The following RBFOX1 variants were observed in gnomAD, a reference collection of about 807,000 sequenced individuals.
The protein encoded by RBFOX1 is RNA binding protein fox-1 homolog 1.
Under a neutral mutation model 57.7 loss-of-function variants are expected in RBFOX1, and 8 were observed. The observed-to-expected ratio is 0.14, with a 90% CI of 0.08 to 0.25. The LOEUF is 0.25. RBFOX1 is among the 10% of genes least tolerant of loss of function. RBFOX1 has a pLI of 1.00. For missense variants in RBFOX1, 611 were observed against 548.5 expected (o/e 1.11, Z -1.14); for synonymous variants, 326 against 222.4 (o/e 1.47, Z -4.15).
chr16:5,350,862 T>A (rs1366812757), intron 1 of RBFOX1, among the ~76,000 whole-genome samples: 1 of 132,982 alleles, frequency 7.5e-6, no homozygotes, highest in Admixed American at 8.3e-5. Flanking sequence ...TGAAACTCCA[T>A]CTCAAGAAAA....
At chr16:6,629,003 C>T (rs1027501316) in intron 2 of RBFOX1, among the ~76,000 whole-genome samples, 2 of 152,122 alleles carry the variant, frequency 1.3e-5, no homozygotes, top group Non-Finnish European at 1.5e-5. Flanking sequence ...GCACTGCAGC[C>T]TGGGTGACAG....
chr16:7,122,702 G>A (rs1356224560), intron 4 of RBFOX1, among the ~76,000 whole-genome samples: 2 of 152,082 alleles, frequency 1.3e-5, no homozygotes, highest in Non-Finnish European at 2.9e-5. Flanking sequence ...ATAGAGCCTA[G>A]CAATCCTACT....
chr16:7,021,642 T>G lies in RBFOX1; in HGVS notation c.-15-30415T>G, dbSNP rs1012691802. Among the ~76,000 whole-genome samples the G allele has an allele frequency of 6.1e-5, 9 of 147,786 alleles. No homozygotes were observed. The South Asian group carries it at 1.5e-3, about 24-fold the overall frequency. ...ATATTTTATAAATTATATAAAAATT[T>G]TATTAAAATTTTTATTTCCCTCAGC... is the stretch of plus-strand genomic sequence containing the variant. On this transcript the variant is annotated intron_variant, in intron 3 of 15. Transcript: ENST00000550418.
chr16:6,016,590 C>T (rs2094995217), upstream of RBFOX1, among the ~76,000 whole-genome samples: 1 of 152,180 alleles, frequency 6.6e-6, no homozygotes, highest in South Asian at 2.1e-4. Flanking sequence ...CACAAGGCTA[C>T]AAAGTCCTTG....
chr16:7,678,921 A>C (rs2074062641), intron 14 of RBFOX1, among the ~76,000 whole-genome samples: 1 of 152,182 alleles, frequency 6.6e-6, no homozygotes, highest in African/African-American at 2.4e-5. Flanking sequence ...CCATAGTTTC[A>C]GTTGAAGAAA....
intron 3 of RBFOX1, among the ~76,000 whole-genome samples, chr16:6,834,488 C>A (rs546809571): frequency 6.8e-6 from 1 of 146,784 alleles, no homozygotes; most frequent in Non-Finnish European, 1.5e-5. Context: ...AGAAAGTACT[C>A]AGTAACTGTT....
At chr16:5,726,968 C>T (rs542399024) in intron 3 of RBFOX1, among the ~76,000 whole-genome samples, 2 of 152,174 alleles carry the variant, frequency 1.3e-5, no homozygotes, top group South Asian at 2.1e-4. Context: ...ATTCAAACCT[C>T]GATGTGAAGG....
chr16:5,456,124 C>T (rs916107928), intron 1 of RBFOX1, among the ~76,000 whole-genome samples: 12 of 151,250 alleles, frequency 7.9e-5, no homozygotes, highest in South Asian at 2.1e-4. Flanking sequence ...AAAAAAAAAA[C>T]GTGCTTAACA....
chr16:7,072,636 A>G (rs2057556515), intron 4 of RBFOX1, among the ~76,000 whole-genome samples: 1 of 152,200 alleles, frequency 6.6e-6, no homozygotes, highest in Admixed American at 6.5e-5. Context: ...CTAGGAAGAG[A>G]TTTCAGAATA....
intron 2 of RBFOX1, among the ~76,000 whole-genome samples, chr16:5,471,405 C>G (rs2069129667): frequency 6.6e-6 from 1 of 152,134 alleles, no homozygotes; most frequent in Non-Finnish European, 1.5e-5. Flanking sequence ...AGGTAGGAAT[C>G]TGTTGAGTGG....
chr16:7,345,170 C>G (rs1387966939), intron 4 of RBFOX1, among the ~76,000 whole-genome samples: 2 of 152,154 alleles, frequency 1.3e-5, no homozygotes. Context: ...GCAACGTTAC[C>G]AACACACATT....
chr16:5,943,221 G>C (rs1004859189), intron 4 of RBFOX1, among the ~76,000 whole-genome samples: 21 of 152,134 alleles, frequency 1.4e-4, no homozygotes, highest in African/African-American at 4.8e-4. Flanking sequence ...ACATCATCTG[G>C]GAATTGTTTA....
At chr16:7,422,746 A>AG (rs1225034172) in intron 4 of RBFOX1, 1 of 152,092 alleles carries the variant, frequency 6.6e-6, no homozygotes, top group Non-Finnish European at 1.5e-5. Flanking sequence ...TCCCATGTGT[A>AG]GCGCCGAGTT....
At position 7,510,078 on chromosome 16, in the gene RBFOX1, T is replaced by G. The variant is rs549969312; in HGVS notation, c.28-8069T>G. Reference sequence around the variant, plus strand: ...AAGCTGTGATTGATGGGCCAGGCCTTCCTGGCAGAAAAAGTGCCATCTGGG... The same window carrying G: ...AAGCTGTGATTGATGGGCCAGGCCTGCCTGGCAGAAAAAGTGCCATCTGGG... On this transcript the variant is annotated intron_variant, in intron 4 of 15. Coordinates refer to ENST00000550418, the MANE Select transcript of RBFOX1 (RefSeq NM_018723.4). The G allele has an allele frequency of 3.3e-5, 31 of 932,324 alleles. No individual in the cohort carries two copies. In the African/African-American group the frequency reaches 5.5e-4, roughly 17 times the overall value. The allele number at this position is 932,324 out of a possible 1,614,324, so 57.8% of individuals were successfully genotyped here.
At chr16:6,003,964 A>G (rs1484621233) in intron 4 of RBFOX1, among the ~76,000 whole-genome samples, 4 of 152,336 alleles carry the variant, frequency 2.6e-5, no homozygotes, top group Middle Eastern at 3.4e-3. Context: ...AGAAATATTC[A>G]GCAGGCCAAA....
intron 2 of RBFOX1, among the ~76,000 whole-genome samples, chr16:6,568,379 C>G (rs939983737): frequency 6.6e-6 from 1 of 152,080 alleles, no homozygotes; most frequent in African/African-American, 2.4e-5. Context: ...CTGGAGTGTC[C>G]TGGAGACATG....
rs71142677 is a variant in RBFOX1 at position 6,082,347 on chromosome 16, A to ATTTTTTTTTTTTTTTTTTTTTTTT, written c.-127+62360_-127+62383dup. ...ATGTGCCTGTCACCACACCTGGCTA[A>ATTTTTTTTTTTTTTTTTTTTTTTT]TTTTTTTTTTTTTTTTTTTTTTTTT... On this transcript the variant is annotated intron_variant, in intron 1 of 15. Transcript: ENST00000550418. 2.4e-4 allele frequency among the ~76,000 whole-genome samples: 10 copies of ATTTTTTTTTTTTTTTTTTTTTTTT among 41,040 alleles called. 1 individual carries two copies. Among genetic ancestry groups the ATTTTTTTTTTTTTTTTTTTTTTTT allele is most frequent in the Non-Finnish European group, 4.1e-4 (9 of 22,144 alleles). The allele number at this position is 41,040 out of a possible 152,430, so 26.9% of individuals were successfully genotyped here.
chr16:5,291,410 C>G (rs544648700), intron 1 of RBFOX1, among the ~76,000 whole-genome samples: 1 of 152,048 alleles, frequency 6.6e-6, no homozygotes, highest in African/African-American at 2.4e-5. Flanking sequence ...CTACAGGCAC[C>G]CGCCACCACG....
At chr16:6,625,582 C>T (rs778838063) in intron 2 of RBFOX1, among the ~76,000 whole-genome samples, 30 of 152,174 alleles carry the variant, frequency 2.0e-4, no homozygotes, top group East Asian at 1.9e-4. Flanking sequence ...TCAGATGGTT[C>T]CTCCATTCTA....
Sources: allele counts gnomAD v4.1 joint callset (sites outside exome capture counted in the v4.1 genomes callset), GRCh38; gene constraint gnomAD v4.1.1; transcripts MANE v1.5; gene names NCBI Gene and HGNC (gene_info 2026-07-23, HGNC 2026-07-21).